NHS: variants seen among roughly 807,000 people sequenced by gnomAD.
NHS encodes NHS actin remodeling regulator.
Under a neutral mutation model 72.5 loss-of-function variants are expected in NHS, and 5 were observed. That is an observed-to-expected ratio of 0.07 (90% CI 0.04 to 0.14). The LOEUF (loss-of-function observed/expected upper bound fraction) is 0.14, where lower values mean the gene tolerates loss of function less well. Ranked by LOEUF, NHS falls within the 10% of genes least tolerant of loss-of-function variation. The probability of loss-of-function intolerance (pLI) is 1.00; values close to 1 mark genes in which losing one functional copy is unlikely to be tolerated. For missense variants in NHS, 1,072 were observed against 1,355.7 expected, an observed-to-expected ratio of 0.79 and a Z score of 3.29; for synonymous variants, 464 against 547.7, an observed-to-expected ratio of 0.85 and a Z score of 2.13.
intron 1 of NHS, among the ~76,000 whole-genome samples, chrX:17,447,791 A>ACACACG (rs1399797395): frequency 9.4e-6 from 1 of 106,452 alleles, no homozygotes; most frequent in African/African-American, 3.4e-5. Context: ...ACACGCACAC[A>ACACACG]CACACACACA....
chrX:17,418,786 TGAAAA>T (rs1302766014), intron 1 of NHS, among the ~76,000 whole-genome samples: 1 of 110,295 alleles, frequency 9.1e-6, no homozygotes, highest in Non-Finnish European at 1.9e-5. Flanking sequence ...AGAGGAGAAA[TGAAAA>T]GAAACTGTGG....
At chrX:17,662,998 A>G (rs993291075) in intron 1 of NHS, among the ~76,000 whole-genome samples, 4 of 111,903 alleles carry the variant, frequency 3.6e-5, no homozygotes, top group African/African-American at 1.3e-4. Flanking sequence ...AGAAATTGGT[A>G]TGATGTTATA....
intron 1 of NHS, among the ~76,000 whole-genome samples, chrX:17,661,068 C>T (rs1343220207): frequency 1.8e-5 from 2 of 111,521 alleles, no homozygotes; most frequent in African/African-American, 6.5e-5. Context: ...AGCATCAAGG[C>T]TGTAGATGTG....
Position 17,732,855 on chromosome X carries a change from G to T in NHS, c.*391G>T. On this transcript the variant is annotated 3_prime_UTR_variant, in exon 9 of 9. Transcript: ENST00000676302. ...AAGATGAAATTACTCTGGATGTTTG[G>T]TATTTTTTTACATTAAAACAAACTA... 1 of 178,986 alleles carries T rather than the reference G, an allele frequency of 5.6e-6. No individual in the cohort carries two copies. Among genetic ancestry groups the T allele is most frequent in the Non-Finnish European group, 1.1e-5 (1 of 94,849 alleles). The allele number at this position is 178,986 out of a possible 1,213,427, so 14.8% of individuals were successfully genotyped here.
intron 3 of NHS, among the ~76,000 whole-genome samples, chrX:17,712,253 G>GTATATA (rs1216194040): frequency 0.018 from 923 of 50,046 alleles, 16 homozygotes; most frequent in East Asian, 0.054. Context: ...TTGTGTGTGT[G>GTATATA]TATATATATA....
intron 3 of NHS, among the ~76,000 whole-genome samples, chrX:17,713,760 G>A (rs868437977): frequency 1.8e-5 from 2 of 111,796 alleles, no homozygotes; most frequent in African/African-American, 6.5e-5. Flanking sequence ...GCCACGAAAG[G>A]GGAGAAATTA....
intron 1 of NHS, among the ~76,000 whole-genome samples, chrX:17,393,958 GTT>G (rs2064459284): frequency 9.0e-6 from 1 of 111,342 alleles, no homozygotes; most frequent in Non-Finnish European, 1.9e-5. Context: ...CCCTGACTCC[GTT>G]GCTGAGTTTG....
rs890347762 is a variant in NHS, at chrX:17,631,985, G to A, written c.566-55757G>A. On this transcript the variant is annotated intron_variant, in intron 1 of 8. Coordinates refer to ENST00000676302, the MANE Select transcript of NHS (RefSeq NM_001291867.2). ...AGCATCAGGATGAAAGAAGGAACAT[G>A]CCCCTTGTTTTCTGGGGAGTCTTTC... is the stretch of plus-strand genomic sequence containing the variant. 2.1e-4 allele frequency among the ~76,000 whole-genome samples: 23 copies of A among 111,691 alleles called. No homozygotes were observed. The Admixed American group carries it at 2.2e-3, about 11-fold the overall frequency.
Position 17,521,281 on chromosome X carries a change from C to G in NHS, c.565+144959C>G, listed in dbSNP as rs773309536. On this transcript the variant is annotated intron_variant, in intron 1 of 8. Transcript: ENST00000676302. ...GTAATGTGTGACCAATGAGACCTTG[C>G]AGAATTAAGCTGGGTCTCCCATTTC... Among the ~76,000 whole-genome samples the G allele has an allele frequency of 2.7e-5, 3 of 111,031 alleles. No individual in the cohort carries two copies. The East Asian group carries it at 8.5e-4, about 31-fold the overall frequency.
chrX:17,521,088 CCA>C (rs1258421612), intron 1 of NHS, among the ~76,000 whole-genome samples: 6 of 111,660 alleles, frequency 5.4e-5, no homozygotes, highest in African/African-American at 2.0e-4. Flanking sequence ...TCTCTGCAAC[CCA>C]GTTACATGAA....
At chrX:17,454,579 A>C (rs1194244843) in intron 1 of NHS, among the ~76,000 whole-genome samples, 1 of 112,365 alleles carries the variant, frequency 8.9e-6, no homozygotes, top group Non-Finnish European at 1.9e-5. Context: ...GGAATAAGGA[A>C]ACCGAAGTTC....
At chrX:17,661,128 C>T (rs1161560816) in intron 1 of NHS, among the ~76,000 whole-genome samples, 1 of 111,694 alleles carries the variant, frequency 9.0e-6, no homozygotes, top group Non-Finnish European at 1.9e-5. Context: ...GCTCTCTTGC[C>T]GCTGCCATAC....
intron 1 of NHS, among the ~76,000 whole-genome samples, chrX:17,462,626 A>G (rs758158133): frequency 8.9e-6 from 1 of 112,085 alleles, no homozygotes; most frequent in Non-Finnish European, 1.9e-5. Flanking sequence ...AGGCAATCTG[A>G]TCCATCAAAG....
chrX:17,484,321 TGC>T (rs2064958899), intron 1 of NHS, among the ~76,000 whole-genome samples: 1 of 112,233 alleles, frequency 8.9e-6, no homozygotes, highest in East Asian at 2.8e-4. Context: ...CTTACTTGCT[TGC>T]TGTCTTCCTC....
intron 1 of NHS, among the ~76,000 whole-genome samples, chrX:17,419,512 G>A (rs1310468667): frequency 9.0e-6 from 1 of 111,696 alleles, no homozygotes; most frequent in Non-Finnish European, 1.9e-5. Context: ...GCTGTGGGAA[G>A]CCTGGGTGGT....
chrX:17,614,350 A>C (rs1487489923), intron 1 of NHS, among the ~76,000 whole-genome samples: 2 of 109,982 alleles, frequency 1.8e-5, no homozygotes, highest in Non-Finnish European at 3.8e-5. Flanking sequence ...TGAAGCCAAA[A>C]CCAATCTGAA....
chrX:17,390,092 G>T (rs1237032086), intron 1 of NHS, among the ~76,000 whole-genome samples: 3 of 111,982 alleles, frequency 2.7e-5, no homozygotes, highest in Non-Finnish European at 5.6e-5. Flanking sequence ...ATTTATGACT[G>T]TCCTATCTAA....
chrX:17,562,329 C>T (rs2065419826), intron 1 of NHS, among the ~76,000 whole-genome samples: 1 of 112,056 alleles, frequency 8.9e-6, no homozygotes, highest in African/African-American at 3.2e-5. Flanking sequence ...CAGAGTTATC[C>T]CACCTGAGGG....
chrX:17,580,327 T>C (rs1046284208), intron 1 of NHS, among the ~76,000 whole-genome samples: 1 of 111,808 alleles, frequency 8.9e-6, no homozygotes, highest in Non-Finnish European at 1.9e-5. Flanking sequence ...CTAATTTTCA[T>C]TAAGCTATTC....
Sources: gnomAD v4.1 joint callset for allele counts (sites outside exome capture counted in the v4.1 genomes callset) on GRCh38, gnomAD v4.1.1 for gene constraint, MANE v1.5 for transcripts, NCBI Gene and HGNC (gene_info 2026-07-23, HGNC 2026-07-21) for gene names.